Variants in PPP4R2 observed in about 807,000 individuals in gnomAD.
PPP4R2 encodes serine/threonine-protein phosphatase 4 regulatory subunit 2.
Under a neutral mutation model 47.2 loss-of-function variants are expected in PPP4R2, and 13 were observed. That is an observed-to-expected ratio of 0.28 (90% CI 0.18 to 0.44). The LOEUF (loss-of-function observed/expected upper bound fraction) is 0.44. Among genes scored for constraint, PPP4R2 ranks in the 20% least tolerant of loss-of-function variants. The probability of loss-of-function intolerance (pLI) is 1.00; values close to 1 mark genes in which losing one functional copy is unlikely to be tolerated. For synonymous variants in PPP4R2, 151 were observed against 163.3 expected (o/e 0.92, Z 0.57); for missense variants, 421 against 491.2 (o/e 0.86, Z 1.35).
chr3:73,054,958 A>G lies in PPP4R2; in HGVS notation c.288-4079A>G, dbSNP rs984587470. Among the ~76,000 whole-genome samples the G allele has an allele frequency of 2.6e-5, 4 of 152,248 alleles. No individual in the cohort carries two copies. The East Asian group carries it at 5.8e-4, about 22-fold the overall frequency. ...AGATGTCTTTCCCTGATATTCAGCA[A>G]CTTTCTTGGTATTTGAATTTCCATA... is the stretch of plus-strand genomic sequence containing the variant. On this transcript the variant is annotated intron_variant, in intron 3 of 8. Coordinates refer to ENST00000356692, the MANE Select transcript of PPP4R2 (RefSeq NM_174907.4).
At chr3:73,007,236 G>A (rs1701627332) in intron 2 of PPP4R2, among the ~76,000 whole-genome samples, 1 of 152,096 alleles carries the variant, frequency 6.6e-6, no homozygotes, top group African/African-American at 2.4e-5. Context: ...AATAATACTC[G>A]TTGTTATGTT....
In PPP4R2 at chr3:73,068,560, A is replaced by C. The variant is rs1379122758; in HGVS notation, c.*2838A>C. ...AGGGTTTATTGTAACTACACCTTTC[A>C]GACGTGTGTTTTGGAGTAGTGGAAT... On this transcript the variant is annotated 3_prime_UTR_variant, in exon 9 of 9. Transcript: ENST00000356692. 1 of 152,228 alleles carries C rather than the reference A, an allele frequency of 6.6e-6. No homozygotes were observed. Among genetic ancestry groups the C allele is most frequent in the East Asian group, 1.9e-4 (1 of 5,196 alleles). 9.4% of individuals were successfully genotyped at this position (152,228 alleles called of 1,614,324 possible). A position where few individuals can be genotyped will look rare whatever the true frequency, so the allele number is the denominator to read the frequency against.
At chr3:73,043,130 T>C (rs1016644682) in intron 2 of PPP4R2, among the ~76,000 whole-genome samples, 9 of 152,260 alleles carry the variant, frequency 5.9e-5, no homozygotes, top group Non-Finnish European at 1.3e-4. Context: ...CAAAAAATTA[T>C]TAATTTAAGA....
chr3:73,064,105 C>A lies in PPP4R2; in HGVS notation c.597C>A (p.Ser199Arg), dbSNP rs1446107653. 4 of 1,612,354 alleles carry A rather than the reference C, an allele frequency of 2.5e-6. No individual in the cohort carries two copies. Among genetic ancestry groups the A allele is most frequent in the Non-Finnish European group, 3.4e-6 (4 of 1,179,494 alleles). The change falls in exon 7 of 9, where the codon AGC (serine) becomes AGA (arginine). Residue 199 changes from serine (S) to arginine (R), a missense_variant. Ser to Arg is a moderately radical substitution (Grantham distance 110). Transcript: ENST00000356692. ...ATGGGTTGCCTGAGAGCACAGACAG[C>A]AAAGAGGCAAATTTGCAGCAAAATG... ...TTNGLPESTD[S>R]KEANLQQNEE...
In PPP4R2 at chr3:73,065,749, T is replaced by C; in HGVS notation, c.*27T>C. On this transcript the variant is annotated 3_prime_UTR_variant, in exon 9 of 9. Coordinates refer to ENST00000356692, the MANE Select transcript of PPP4R2 (RefSeq NM_174907.4). Reference sequence around the variant, plus strand: ...TATTTAGAAACATTTAGATGCAGTATTTTACATACAGTTCTGGTTTTAACA... The same window carrying C: ...TATTTAGAAACATTTAGATGCAGTACTTTACATACAGTTCTGGTTTTAACA... 1 of 1,487,142 alleles carries C rather than the reference T, an allele frequency of 6.7e-7. No individual in the cohort carries two copies. Among genetic ancestry groups the C allele is most frequent in the Non-Finnish European group, 9.2e-7 (1 of 1,091,966 alleles). The allele number at this position is 1,487,142 out of a possible 1,614,324, so 92.1% of individuals were successfully genotyped here. A position where few individuals can be genotyped will look rare whatever the true frequency, so the allele number is the denominator to read the frequency against.
chr3:73,034,846 T>TAAAAAAA (rs57719588), intron 2 of PPP4R2, among the ~76,000 whole-genome samples: 4 of 147,284 alleles, frequency 2.7e-5, no homozygotes, highest in African/African-American at 1.0e-4. Flanking sequence ...GTTTTGTTCT[T>TAAAAAAA]AAAAAAAAAA....
intron 2 of PPP4R2, chr3:73,015,065 C>T (rs1217842317): frequency 4.0e-6 from 2 of 501,258 alleles, no homozygotes; most frequent in Non-Finnish European, 7.2e-6. Context: ...CCAAAGCAAG[C>T]CATTTAGGAT....
At chr3:73,042,406 C>T (rs1263759437) in intron 2 of PPP4R2, among the ~76,000 whole-genome samples, 1 of 147,212 alleles carries the variant, frequency 6.8e-6, no homozygotes, top group Admixed American at 6.8e-5. Context: ...GCTGTGTCAC[C>T]CAGGCTGGAG....
At chr3:73,024,871 T>C (rs1187902358) in intron 2 of PPP4R2, among the ~76,000 whole-genome samples, 1 of 152,152 alleles carries the variant, frequency 6.6e-6, no homozygotes, top group Non-Finnish European at 1.5e-5. Context: ...AAGAAATATT[T>C]ATTAGAAGGA....
At chr3:73,052,311 A>G (rs1214449135) in intron 3 of PPP4R2, among the ~76,000 whole-genome samples, 1 of 150,252 alleles carries the variant, frequency 6.7e-6, no homozygotes, top group East Asian at 2.0e-4. Flanking sequence ...TTCATAGAAG[A>G]TGGATTATAA....
chr3:73,025,609 T>C (rs1046163646), intron 2 of PPP4R2, among the ~76,000 whole-genome samples: 13 of 152,168 alleles, frequency 8.5e-5, no homozygotes, highest in African/African-American at 3.1e-4. Context: ...TATTTAGCAG[T>C]GCATCATGGT....
intron 2 of PPP4R2, among the ~76,000 whole-genome samples, chr3:73,017,017 G>C (rs1701854208): frequency 6.6e-6 from 1 of 151,870 alleles, no homozygotes. Context: ...AGTACAGATA[G>C]GGTTTTGTCA....
intron 2 of PPP4R2, among the ~76,000 whole-genome samples, chr3:73,040,755 T>C (rs1473956356): frequency 6.6e-6 from 1 of 152,128 alleles, no homozygotes; most frequent in African/African-American, 2.4e-5. Flanking sequence ...TCAGGTGATC[T>C]GCCTGCCTCA....
intron 2 of PPP4R2, among the ~76,000 whole-genome samples, chr3:73,010,567 T>C (rs1010361705): frequency 6.1e-5 from 9 of 148,626 alleles, no homozygotes; most frequent in African/African-American, 2.0e-4. Context: ...TCGCTCTCTT[T>C]TTTTTTTTTA....
chr3:73,032,747 A>G (rs1235424996), intron 2 of PPP4R2, among the ~76,000 whole-genome samples: 2 of 152,006 alleles, frequency 1.3e-5, no homozygotes, highest in African/African-American at 4.8e-5. Flanking sequence ...CAAACTTCCC[A>G]CTTTAACTGC....
At chr3:73,058,016 C>T (rs1394321459) in intron 3 of PPP4R2, among the ~76,000 whole-genome samples, 1 of 152,064 alleles carries the variant, frequency 6.6e-6, no homozygotes, top group African/African-American at 2.4e-5. Flanking sequence ...TTGTTAGCTG[C>T]GTTTGTCGTA....
intron 2 of PPP4R2, among the ~76,000 whole-genome samples, chr3:73,039,005 G>A (rs1702322793): frequency 6.6e-6 from 1 of 152,170 alleles, no homozygotes; most frequent in Non-Finnish European, 1.5e-5. Flanking sequence ...TTGTTTCAAA[G>A]CAGGTACTAT....
chr3:73,003,951 T>C (rs532006779), intron 2 of PPP4R2, among the ~76,000 whole-genome samples: 1 of 151,850 alleles, frequency 6.6e-6, no homozygotes, highest in Non-Finnish European at 1.5e-5. Flanking sequence ...CTGCCTGTCT[T>C]GGCCTCCCAA....
intron 2 of PPP4R2, among the ~76,000 whole-genome samples, chr3:73,000,635 G>A (rs1317567939): frequency 6.6e-6 from 1 of 152,156 alleles, no homozygotes; most frequent in African/African-American, 2.4e-5. Context: ...ATCTGATGTA[G>A]GAAGTTAGGA....
Sources: gnomAD v4.1 joint callset for allele counts (sites outside exome capture counted in the v4.1 genomes callset) on GRCh38, gnomAD v4.1.1 for gene constraint, MANE v1.5 for transcripts, NCBI Gene and HGNC (gene_info 2026-07-23, HGNC 2026-07-21) for gene names.